The following FBXL7 variants were observed in gnomAD, a reference collection of about 807,000 sequenced individuals.
FBXL7 encodes the protein F-box and leucine rich repeat protein 7, also known as F-box/LRR-repeat protein 7.
In FBXL7, 12 loss-of-function variants were observed where a neutral mutation model predicts 38.3. The ratio of observed to expected loss-of-function variants is 0.31; its 90% confidence interval spans 0.20 to 0.51. The LOEUF is 0.51. FBXL7 is among the 20% of genes least tolerant of loss of function. The pLI is 0.98. For synonymous variants in FBXL7, 297 were observed against 300.9 expected, an observed-to-expected ratio of 0.99 and a Z score of 0.13; for missense variants, 567 against 676.4, an observed-to-expected ratio of 0.84 and a Z score of 1.79.
chr5:15,607,214 C>T (rs1480818261), intron 1 of FBXL7: 2 of 152,152 alleles, frequency 1.3e-5, no homozygotes, highest in African/African-American at 4.8e-5. Context: ...CCAGTAGCAG[C>T]TTGAAAATAA....
chr5:15,715,649 T>A (rs1744022870), intron 2 of FBXL7, among the ~76,000 whole-genome samples: 1 of 152,182 alleles, frequency 6.6e-6, no homozygotes, highest in Admixed American at 6.5e-5. Context: ...TTTGGCTGTG[T>A]TTCAGTAAAA....
chr5:15,561,536 A>G (rs1423598802), intron 1 of FBXL7, among the ~76,000 whole-genome samples: 3 of 152,134 alleles, frequency 2.0e-5, no homozygotes, highest in African/African-American at 7.2e-5. Context: ...GAATGCAAAT[A>G]TCTTTACTAC....
chr5:15,682,754 C>T (rs955568408), intron 2 of FBXL7, among the ~76,000 whole-genome samples: 1 of 152,190 alleles, frequency 6.6e-6, no homozygotes, highest in Non-Finnish European at 1.5e-5. Flanking sequence ...CTTACAACTA[C>T]ATGTGTGTGC....
chr5:15,691,847 A>G (rs1056089960), intron 2 of FBXL7, among the ~76,000 whole-genome samples: 1 of 152,216 alleles, frequency 6.6e-6, no homozygotes, highest in Non-Finnish European at 1.5e-5. Flanking sequence ...TGGAAAGTCA[A>G]TGGTACCTTC....
chr5:15,768,138 GT>G (rs1736637889), intron 2 of FBXL7, among the ~76,000 whole-genome samples: 1 of 152,158 alleles, frequency 6.6e-6, no homozygotes, highest in African/African-American at 2.4e-5. Flanking sequence ...AAATGAATAC[GT>G]TCAAGTGATG....
intron 2 of FBXL7, among the ~76,000 whole-genome samples, chr5:15,648,360 G>A (rs1741603705): frequency 6.6e-6 from 1 of 152,100 alleles, no homozygotes. Flanking sequence ...AAGGTGAAAG[G>A]GTGTGTATGA....
At chr5:15,683,959 T>G (rs1742930909) in intron 2 of FBXL7, among the ~76,000 whole-genome samples, 1 of 152,146 alleles carries the variant, frequency 6.6e-6, no homozygotes, top group Admixed American at 6.5e-5. Flanking sequence ...GGACTATATA[T>G]AGAGAGTAAA....
intron 1 of FBXL7, among the ~76,000 whole-genome samples, chr5:15,555,974 CATCTATCTATCTATCTATCT>C (rs144598945): frequency 2.1e-5 from 3 of 141,002 alleles, no homozygotes; most frequent in South Asian, 4.7e-4. Context: ...ATCTGTCTAT[CATCTATCTATCTATCTATCT>C]ATCTATCTAT....
intron 2 of FBXL7, among the ~76,000 whole-genome samples, chr5:15,643,390 A>G (rs2126559428): frequency 6.6e-6 from 1 of 152,304 alleles, no homozygotes; most frequent in Admixed American, 6.5e-5. Flanking sequence ...TGTAGTTCAG[A>G]TCTTCAATGT....
At chr5:15,586,400 G>T (rs1299934037) in intron 1 of FBXL7, among the ~76,000 whole-genome samples, 2 of 146,020 alleles carry the variant, frequency 1.4e-5, no homozygotes, top group African/African-American at 5.1e-5. Flanking sequence ...AATATCTCTT[G>T]CCCCCTCCTT....
chr5:15,505,331 G>A (rs1224213671), intron 1 of FBXL7, among the ~76,000 whole-genome samples: 1 of 152,166 alleles, frequency 6.6e-6, no homozygotes, highest in Non-Finnish European at 1.5e-5. Context: ...ATTTTCCCAA[G>A]GTCATTCAGT....
chr5:15,627,153 T>C (rs1436283355), intron 2 of FBXL7, among the ~76,000 whole-genome samples: 1 of 152,238 alleles, frequency 6.6e-6, no homozygotes, highest in East Asian at 1.9e-4. Flanking sequence ...GCTCTTTGGC[T>C]CCTGAAGGAA....
chr5:15,727,500 T>C (rs545118990), intron 2 of FBXL7, among the ~76,000 whole-genome samples: 1 of 152,282 alleles, frequency 6.6e-6, no homozygotes, highest in South Asian at 2.1e-4. Flanking sequence ...GGCAAGGTTT[T>C]TTTGTTTTGT....
At chr5:15,649,088 C>T (rs1323352492) in intron 2 of FBXL7, among the ~76,000 whole-genome samples, 3 of 152,120 alleles carry the variant, frequency 2.0e-5, no homozygotes, top group Non-Finnish European at 4.4e-5. Flanking sequence ...CCTCTGCCTC[C>T]CTGGTTCAAG....
chr5:15,821,858 C>T (rs1431329880), intron 2 of FBXL7, among the ~76,000 whole-genome samples: 3 of 152,144 alleles, frequency 2.0e-5, no homozygotes, highest in Admixed American at 2.0e-4. Flanking sequence ...TCATTTCCCC[C>T]TTATCCTTAT....
intron 1 of FBXL7, among the ~76,000 whole-genome samples, chr5:15,584,442 G>T (rs539646556): frequency 3.7e-4 from 56 of 152,138 alleles, no homozygotes; most frequent in Non-Finnish European, 7.5e-4. Context: ...GATCTCTAGG[G>T]CAGGGGCAAA....
intron 2 of FBXL7, among the ~76,000 whole-genome samples, chr5:15,669,694 T>C (rs762885740): frequency 6.6e-6 from 1 of 152,134 alleles, no homozygotes; most frequent in Non-Finnish European, 1.5e-5. Flanking sequence ...CATAAGTTAC[T>C]TGAACATCTA....
intron 2 of FBXL7, among the ~76,000 whole-genome samples, chr5:15,652,147 G>A (rs1480226760): frequency 6.6e-6 from 1 of 152,182 alleles, no homozygotes; most frequent in Non-Finnish European, 1.5e-5. Context: ...TTAAGGGAAT[G>A]TTAAGGCTGG....
At chr5:15,583,543 C>A (rs1739211162) in intron 1 of FBXL7, among the ~76,000 whole-genome samples, 1 of 152,204 alleles carries the variant, frequency 6.6e-6, no homozygotes, top group South Asian at 2.1e-4. Context: ...TTGGCCAAAA[C>A]AAAGGGGCTG....
Sources: gnomAD v4.1 joint callset for allele counts (sites outside exome capture counted in the v4.1 genomes callset) on GRCh38, gnomAD v4.1.1 for gene constraint, MANE v1.5 for transcripts, NCBI Gene and HGNC (gene_info 2026-07-23, HGNC 2026-07-21) for gene names.